FARS2: variants seen among roughly 807,000 people sequenced by gnomAD.
The protein encoded by FARS2 is phenylalanine--tRNA ligase, mitochondrial.
Under a neutral mutation model 46.4 loss-of-function variants are expected in FARS2, and 40 were observed. The ratio of observed to expected loss-of-function variants is 0.86; its 90% confidence interval spans 0.67 to 1.12. FARS2 has a LOEUF of 1.12. Ranked by LOEUF, FARS2 falls within the 50% of genes most tolerant of loss-of-function variation. The pLI is 0.00. For synonymous variants in FARS2, 234 were observed against 214.9 expected, an observed-to-expected ratio of 1.09 and a Z score of -0.78; for missense variants, 513 against 567.9, an observed-to-expected ratio of 0.90 and a Z score of 0.98.
rs188965916 is a variant in FARS2 at position 5,684,554 on chromosome 6, C to T, written c.1217+71234C>T. 3.3e-5 allele frequency among the ~76,000 whole-genome samples: 5 copies of T among 152,348 alleles called. No individual in the cohort carries two copies. The East Asian group carries it at 7.7e-4, about 24-fold the overall frequency. Reference sequence around the variant, plus strand: ...ATTTCCAAGAGCTATTTCCATCACCCTTACCCTAGAGTAAGCCAGCTGTAT... The same window carrying T: ...ATTTCCAAGAGCTATTTCCATCACCTTTACCCTAGAGTAAGCCAGCTGTAT... On this transcript the variant is annotated intron_variant, in intron 6 of 6. Transcript: ENST00000274680.
intron 4 of FARS2, among the ~76,000 whole-genome samples, chr6:5,454,661 A>G (rs1764727657): frequency 6.6e-6 from 1 of 151,994 alleles, no homozygotes; most frequent in Admixed American, 6.6e-5. Flanking sequence ...TTAAGGAATA[A>G]TCTTTTAACA....
intron 1 of FARS2, among the ~76,000 whole-genome samples, chr6:5,319,117 C>T (rs1356486743): frequency 1.3e-5 from 2 of 152,066 alleles, no homozygotes; most frequent in South Asian, 2.1e-4. Context: ...CCCCTGTGCC[C>T]TCCCAGGAAT....
intron 6 of FARS2, among the ~76,000 whole-genome samples, chr6:5,733,935 G>A (rs11755179): frequency 0.019 from 2,850 of 152,302 alleles, 37 homozygotes; most frequent in Non-Finnish European, 0.029. Flanking sequence ...GTTGTTGTAA[G>A]AATTAAATGA....
intron 4 of FARS2, among the ~76,000 whole-genome samples, chr6:5,514,418 T>C (rs1006833142): frequency 1.3e-5 from 2 of 152,232 alleles, no homozygotes; most frequent in African/African-American, 4.8e-5. Context: ...ATTTATTATT[T>C]AGAGAGGCTT....
chr6:5,483,250 C>A (rs1766578382), intron 4 of FARS2, among the ~76,000 whole-genome samples: 1 of 152,046 alleles, frequency 6.6e-6, no homozygotes, highest in Admixed American at 6.5e-5. Context: ...TTTATCACTC[C>A]CCCTGCTCCT....
At chr6:5,260,611 G>GCCCCCCC (rs754044531), upstream of FARS2, 4 of 1,377,680 alleles carry the variant, frequency 2.9e-6, no homozygotes, top group Non-Finnish European at 3.9e-6. Context: ...CCGGCCCCTG[G>GCCCCCCC]CCCCCCGCCC....
At chr6:5,752,875 A>C (rs1166968875) in intron 6 of FARS2, among the ~76,000 whole-genome samples, 1 of 151,094 alleles carries the variant, frequency 6.6e-6, no homozygotes, top group East Asian at 1.9e-4. Flanking sequence ...CCTCCCCAAG[A>C]CCCCCCCCAG....
At chr6:5,407,448 A>C (rs962095612) in intron 3 of FARS2, among the ~76,000 whole-genome samples, 3 of 152,142 alleles carry the variant, frequency 2.0e-5, no homozygotes, top group Non-Finnish European at 4.4e-5. Flanking sequence ...CGCATAGTTC[A>C]TGTAATATAT....
intron 3 of FARS2, among the ~76,000 whole-genome samples, chr6:5,429,722 A>T (rs1336273247): frequency 1.3e-5 from 2 of 152,128 alleles, no homozygotes; most frequent in Admixed American, 6.6e-5. Flanking sequence ...AGCCAGGAGG[A>T]TTGCTTGAGC....
chr6:5,426,014 C>A (rs1236593207), intron 3 of FARS2, among the ~76,000 whole-genome samples: 2 of 151,968 alleles, frequency 1.3e-5, no homozygotes, highest in Admixed American at 6.6e-5. Flanking sequence ...AGGCTTGAAC[C>A]CAGGTGTGGT....
upstream of FARS2, chr6:5,260,922 C>A: frequency 7.3e-7 from 1 of 1,360,724 alleles, no homozygotes; most frequent in Non-Finnish European, 9.4e-7. Context: ...CGTCCCGCGC[C>A]GCTTCGGGGG....
At chr6:5,291,173 C>T (rs1202758687) in intron 1 of FARS2, 1 of 152,176 alleles carries the variant, frequency 6.6e-6, no homozygotes, top group Non-Finnish European at 1.5e-5. Flanking sequence ...GAAGAACAGG[C>T]TTTGTTAGCA....
intron 2 of FARS2, among the ~76,000 whole-genome samples, chr6:5,395,109 G>T (rs1760820524): frequency 6.6e-6 from 1 of 152,106 alleles, no homozygotes; most frequent in South Asian, 2.1e-4. Context: ...GGAGTGCAAT[G>T]GTGTGATCTT....
At chr6:5,716,463 A>G (rs1011241350) in intron 6 of FARS2, among the ~76,000 whole-genome samples, 3 of 150,190 alleles carry the variant, frequency 2.0e-5, no homozygotes, top group African/African-American at 4.9e-5. Flanking sequence ...TCATTCCACA[A>G]CAATCAACAC....
intron 6 of FARS2, among the ~76,000 whole-genome samples, chr6:5,684,529 A>G (rs1186303287): frequency 1.3e-5 from 2 of 152,146 alleles, no homozygotes; most frequent in African/African-American, 4.8e-5. Flanking sequence ...GCTGCGCTTT[A>G]TTTCCAAGAG....
chr6:5,757,293 A>G (rs1223742898), intron 6 of FARS2, among the ~76,000 whole-genome samples: 1 of 152,102 alleles, frequency 6.6e-6, no homozygotes, highest in Non-Finnish European at 1.5e-5. Context: ...CTTTTACTTT[A>G]TTAGTACTTA....
At position 5,537,562 on chromosome 6, in the gene FARS2, C is replaced by T. The variant is rs531721150; in HGVS notation, c.905-7618C>T. 1.2e-3 allele frequency among the ~76,000 whole-genome samples: 135 copies of T among 116,162 alleles called. 2 individuals carry two copies. Among genetic ancestry groups the T allele is most frequent in the African/African-American group, 4.0e-3 (130 of 32,410 alleles). The allele number at this position is 116,162 out of a possible 152,430, so 76.2% of individuals were successfully genotyped here. ...GCCTCCTCTCGAGTTGGAGATGTCC[C>T]GGGCTTCCTCTCGAGTTGGAGATGT... is the stretch of plus-strand genomic sequence containing the variant. On this transcript the variant is annotated intron_variant, in intron 4 of 6. Transcript: ENST00000274680.
chr6:5,555,659 T>C (rs1771614534), intron 5 of FARS2, among the ~76,000 whole-genome samples: 1 of 152,164 alleles, frequency 6.6e-6, no homozygotes, highest in Non-Finnish European at 1.5e-5. Flanking sequence ...ATCGGCTTCA[T>C]TGTGTTGCAG....
chr6:5,735,165 A>G (rs1760872370), intron 6 of FARS2, among the ~76,000 whole-genome samples: 1 of 152,240 alleles, frequency 6.6e-6, no homozygotes, highest in Non-Finnish European at 1.5e-5. Context: ...CCCTGGCTAC[A>G]TTTATTATAC....
Sources: allele counts gnomAD v4.1 joint callset (sites outside exome capture counted in the v4.1 genomes callset), GRCh38; gene constraint gnomAD v4.1.1; transcripts MANE v1.5; gene names NCBI Gene and HGNC (gene_info 2026-07-23, HGNC 2026-07-21).